The following TEX11 variants were observed in gnomAD, a reference collection of about 807,000 sequenced individuals.
TEX11 encodes testis-expressed protein 11.
Under a neutral mutation model 84.4 loss-of-function variants are expected in TEX11, and 7 were observed. That is an observed-to-expected ratio of 0.08 (90% CI 0.05 to 0.16). The LOEUF is 0.16. Ranked by LOEUF, TEX11 falls within the 10% of genes least tolerant of loss-of-function variation. The pLI is 1.00. For missense variants in TEX11, 551 were observed against 660.5 expected, an observed-to-expected ratio of 0.83 and a Z score of 1.82; for synonymous variants, 264 against 222.8, an observed-to-expected ratio of 1.18 and a Z score of -1.64.
In TEX11 at chrX:70,692,427, C is replaced by G. The variant is rs147786138; in HGVS notation, c.1005-9602G>C. ...CTTTATACGTATTGAGCAACAATAC[C>G]CCCTCTCCCCCACCTCCCAGCCCCT... On this transcript the variant is annotated intron_variant, in intron 13 of 29. Coordinates refer to ENST00000374333, the MANE Select transcript of TEX11 (RefSeq NM_031276.3). 3.0e-3 allele frequency among the ~76,000 whole-genome samples: 335 copies of G among 110,247 alleles called. 1 individual carries two copies. Among genetic ancestry groups the G allele is most frequent in the African/African-American group, 0.01 (311 of 30,380 alleles).
intron 2 of TEX11, among the ~76,000 whole-genome samples, chrX:70,892,371 T>A (rs781759103): frequency 1.3e-4 from 14 of 111,660 alleles, no homozygotes; most frequent in Non-Finnish European, 2.3e-4. Flanking sequence ...GATAGCATCA[T>A]GTTGACAGGA....
chrX:70,868,228 C>A (rs753274819), intron 4 of TEX11, among the ~76,000 whole-genome samples: 84 of 111,391 alleles, frequency 7.5e-4, no homozygotes, highest in African/African-American at 2.6e-3. Context: ...ATATGAACAG[C>A]CACTTCTCAA....
chrX:70,532,093 A>G (rs2087895375), intron 28 of TEX11, among the ~76,000 whole-genome samples: 1 of 112,153 alleles, frequency 8.9e-6, no homozygotes, highest in African/African-American at 3.2e-5. Flanking sequence ...AGAGTTCTTT[A>G]GTCAAATACA....
rs1369388206 is a variant in TEX11, at chrX:70,770,129, C to T, written c.693-25910G>A. On this transcript the variant is annotated intron_variant, in intron 9 of 29. Coordinates refer to ENST00000374333, the MANE Select transcript of TEX11 (RefSeq NM_031276.3). The stretch of plus-strand genomic sequence containing the variant: ...CTTAGATCACATTGCCTAATAATGT[C>T]AGATTCTCAGGGCCTCAGGCTGAGA... Among the ~76,000 whole-genome samples the T allele has an allele frequency of 8.1e-5, 9 of 111,408 alleles. No homozygotes were observed. The Admixed American group carries it at 8.6e-4, about 11-fold the overall frequency.
chrX:70,515,264 CT>C, the TEX11 span, among the ~76,000 whole-genome samples: 1 of 106,504 alleles, frequency 9.4e-6, no homozygotes, highest in African/African-American at 3.7e-5. Context: ...GCTATCCCTC[CT>C]CCACCCCCCC....
chrX:70,517,165 A>G, the TEX11 span, among the ~76,000 whole-genome samples: 2 of 111,560 alleles, frequency 1.8e-5, no homozygotes, highest in South Asian at 3.8e-4. Context: ...TATGTTGAAT[A>G]GGACTGGTGA....
At chrX:70,639,523 G>C (rs2089622168) in intron 17 of TEX11, among the ~76,000 whole-genome samples, 3 of 112,183 alleles carry the variant, frequency 2.7e-5, no homozygotes, top group Non-Finnish European at 5.6e-5. Flanking sequence ...GTCCCTGTCT[G>C]ACAGCTTTGA....
intron 20 of TEX11, among the ~76,000 whole-genome samples, chrX:70,616,812 G>C (rs1353877817): frequency 9.0e-6 from 1 of 111,329 alleles, no homozygotes; most frequent in African/African-American, 3.3e-5. Context: ...TTATTTGTGG[G>C]AGCCAAAAAT....
the TEX11 span, among the ~76,000 whole-genome samples, chrX:70,519,716 A>G: frequency 1.8e-5 from 2 of 112,037 alleles, no homozygotes; most frequent in Admixed American, 9.5e-5. Flanking sequence ...GTGTTTTCCA[A>G]CTTGGTTCCA....
chrX:70,652,336 C>A (rs910911450), intron 16 of TEX11, among the ~76,000 whole-genome samples: 2 of 111,442 alleles, frequency 1.8e-5, no homozygotes, highest in African/African-American at 3.3e-5. Context: ...TTTCAAGAAC[C>A]ATGAGTTGTA....
intron 9 of TEX11, among the ~76,000 whole-genome samples, chrX:70,752,231 T>A (rs905576559): frequency 1.1e-4 from 12 of 111,374 alleles, no homozygotes; most frequent in Non-Finnish European, 1.9e-4. Context: ...TAAACATATA[T>A]AGACATAGTA....
intron 9 of TEX11, among the ~76,000 whole-genome samples, chrX:70,786,462 T>C (rs2091079865): frequency 9.0e-6 from 1 of 111,225 alleles, no homozygotes; most frequent in South Asian, 3.8e-4. Flanking sequence ...ACCGTAGAAC[T>C]TGAAGTATAA....
intron 16 of TEX11, among the ~76,000 whole-genome samples, chrX:70,657,818 C>A (rs374879710): frequency 9.8e-6 from 1 of 102,257 alleles, no homozygotes; most frequent in African/African-American, 3.6e-5. Context: ...AGTAAACTAT[C>A]GCAAGGACAA....
At chrX:70,777,057 T>C (rs1000161133) in intron 9 of TEX11, among the ~76,000 whole-genome samples, 1 of 107,997 alleles carries the variant, frequency 9.3e-6, no homozygotes, top group Non-Finnish European at 1.9e-5. Context: ...ATTTTTTTTT[T>C]TGTAGAGAGG....
intron 8 of TEX11, among the ~76,000 whole-genome samples, chrX:70,810,779 AC>A (rs1240812542): frequency 2.7e-5 from 3 of 110,612 alleles, no homozygotes; most frequent in African/African-American, 9.9e-5. Flanking sequence ...TTATCCCAGA[AC>A]TTAAAGTATT....
chrX:70,654,925 G>A (rs1312527309), intron 16 of TEX11, among the ~76,000 whole-genome samples: 1 of 109,348 alleles, frequency 9.1e-6, no homozygotes, highest in Non-Finnish European at 1.9e-5. Context: ...TCAAAGTAAA[G>A]GGATTAGAGA....
intron 13 of TEX11, among the ~76,000 whole-genome samples, chrX:70,717,172 C>A (rs201999853): frequency 2.7e-4 from 26 of 96,293 alleles, no homozygotes; most frequent in South Asian, 4.8e-4. Context: ...GGTGAAATTT[C>A]AAAAAAAAAA....
intron 13 of TEX11, among the ~76,000 whole-genome samples, chrX:70,687,179 G>C (rs1281995371): frequency 9.1e-6 from 1 of 109,559 alleles, no homozygotes; most frequent in African/African-American, 3.3e-5. Flanking sequence ...CACACACACA[G>C]ACACACACAC....
chrX:70,845,351 G>A lies in TEX11; in HGVS notation c.525+7683C>T, dbSNP rs534065562. Among the ~76,000 whole-genome samples the A allele has an allele frequency of 2.7e-5, 3 of 109,229 alleles. No individual in the cohort carries two copies. The Admixed American group carries it at 2.9e-4, about 11-fold the overall frequency. The allele number at this position is 109,229 out of a possible 115,157, so 94.9% of individuals were successfully genotyped here. A position where few individuals can be genotyped will look rare whatever the true frequency, so the allele number is the denominator to read the frequency against. ...CCACGTTTATATTTTTAGTAGAGACGGGGTTTTACCATTTTGGCCAGGCTG... is the reference window on the plus strand; with the variant it reads ...CCACGTTTATATTTTTAGTAGAGACAGGGTTTTACCATTTTGGCCAGGCTG... On this transcript the variant is annotated intron_variant, in intron 7 of 29. Transcript: ENST00000374333.
Sources: gnomAD v4.1 joint callset for allele counts (sites outside exome capture counted in the v4.1 genomes callset) on GRCh38, gnomAD v4.1.1 for gene constraint, MANE v1.5 for transcripts, NCBI Gene and HGNC (gene_info 2026-07-23, HGNC 2026-07-21) for gene names.